Variants in DNMT3A observed in about 807,000 individuals in gnomAD.
DNMT3A encodes the protein DNA (cytosine-5)-methyltransferase 3A.
Under a neutral mutation model 117.6 loss-of-function variants are expected in DNMT3A, and 267 were observed. The ratio of observed to expected loss-of-function variants is 2.27; its 90% CI spans 2.05 to 2.51. The LOEUF is 2.51. Among genes scored for constraint, DNMT3A ranks in the 30% most tolerant of loss-of-function variants. The pLI, the probability that DNMT3A is intolerant of heterozygous loss-of-function variation, is 0.00. For synonymous variants in DNMT3A, 432 were observed against 474.8 expected (o/e 0.91, Z 1.17); for missense variants, 1,029 against 1,260.2 (o/e 0.82, Z 2.78).
chr2:25,267,198 T>C (rs2030439845), intron 6 of DNMT3A, among the ~76,000 whole-genome samples: 1 of 152,204 alleles, frequency 6.6e-6, no homozygotes, highest in Non-Finnish European at 1.5e-5. Flanking sequence ...AGCAAAATTA[T>C]ATATTTACAC....
chr2:25,246,634 AG>A lies in DNMT3A; in HGVS notation c.1264del (p.Leu422TrpfsTer229), dbSNP rs752298245. 1 of 1,612,684 alleles carries A rather than the reference AG, an allele frequency of 6.2e-7. No individual in the cohort carries two copies. On this transcript the variant is annotated frameshift_variant, in exon 10 of 23. Coordinates refer to ENST00000321117, the MANE Select transcript of DNMT3A (RefSeq NM_022552.5). LOFTEE classifies it high-confidence loss of function. ...CCCTCATTTACCTTCTGGTGGCTCC[AG>A]GCCCTTAGGGCCAGAAGGCTGGAAG... ...GGFQPSGPKGLEPPEEEKNPY... is the reference protein window; with the variant it reads ...GGFQPSGPKGXEPPEEEKNPY...
chr2:25,333,877 G>C (rs969445299), intron 1 of DNMT3A, among the ~76,000 whole-genome samples: 3 of 152,246 alleles, frequency 2.0e-5, no homozygotes, highest in African/African-American at 7.2e-5. Flanking sequence ...TGCAGCTCCA[G>C]GTGGTTTGGG....
rs1276480474 is a variant in DNMT3A, at chr2:25,254,697, G to A, written c.640-6445C>T. On this transcript the variant is annotated intron_variant, in intron 6 of 22. Coordinates refer to ENST00000321117, the MANE Select transcript of DNMT3A (RefSeq NM_022552.5). The surrounding 1 kb of genome is among the most constrained non-coding windows in gnomAD (Gnocchi z 4.7). ...CTCTTCTGCATCCATGCCGGTCAAC[G>A]GGCCTGAGAACTTACTTCAGGCCTC... 1.3e-5 allele frequency among the ~76,000 whole-genome samples: 2 copies of A among 152,074 alleles called. No homozygotes were observed. Among genetic ancestry groups the A allele is most frequent in the Non-Finnish European group, 2.9e-5 (2 of 68,018 alleles).
chr2:25,256,367 G>T (rs964808217), intron 6 of DNMT3A, among the ~76,000 whole-genome samples: 3 of 152,098 alleles, frequency 2.0e-5, no homozygotes, highest in South Asian at 2.1e-4. Context: ...TTCCTGGAAG[G>T]TTCCTCCCCT....
At chr2:25,295,012 A>G (rs2033004202) in intron 3 of DNMT3A, among the ~76,000 whole-genome samples, 1 of 152,188 alleles carries the variant, frequency 6.6e-6, no homozygotes, top group Non-Finnish European at 1.5e-5. Flanking sequence ...CATCGCTAGT[A>G]AATAGGGGAT....
At chr2:25,265,053 C>T (rs960986927) in intron 6 of DNMT3A, among the ~76,000 whole-genome samples, 5 of 152,208 alleles carry the variant, frequency 3.3e-5, no homozygotes, top group East Asian at 3.8e-4. Context: ...GAAGCTGAGA[C>T]GAGAAACCAG....
At position 25,281,515 on chromosome 2, in the gene DNMT3A, T is replaced by A; in HGVS notation, c.448+926A>T. ...CTGCATGAACATTAGGTTGGATCCATGCAAAATAAGTTACGCCAATTAATC... is the reference window on the plus strand; with the variant it reads ...CTGCATGAACATTAGGTTGGATCCAAGCAAAATAAGTTACGCCAATTAATC... On this transcript the variant is annotated intron_variant, in intron 4 of 22. Transcript: ENST00000321117. The surrounding 1 kb of genome is among the most constrained non-coding windows in gnomAD (Gnocchi z 4.8). 2 of 1,058,116 alleles carry A rather than the reference T, an allele frequency of 1.9e-6. No individual in the cohort carries two copies. Among genetic ancestry groups the A allele is most frequent in the Non-Finnish European group, 2.3e-6 (2 of 874,738 alleles). 65.5% of individuals were successfully genotyped at this position (1,058,116 alleles called of 1,614,324 possible).
chr2:25,267,200 T>C lies in DNMT3A; in HGVS notation c.639+7741A>G, dbSNP rs187258131. ...AAAGAACCCCTGAAGCAAAATTATA[T>C]ATTTACACGCATACACACGGATAGG... On this transcript the variant is annotated intron_variant, in intron 6 of 22. Coordinates refer to ENST00000321117, the MANE Select transcript of DNMT3A (RefSeq NM_022552.5). Among the ~76,000 whole-genome samples, 1,079 of 152,284 alleles carry C rather than the reference T, an allele frequency of 7.1e-3. 8 individuals carry two copies. The highest frequency in any genetic ancestry group is 0.01 in the Non-Finnish European group (693 of 68,020).
At chr2:25,249,910 G>A (rs1675305471) in intron 6 of DNMT3A, among the ~76,000 whole-genome samples, 1 of 152,166 alleles carries the variant, frequency 6.6e-6, no homozygotes, top group Admixed American at 6.5e-5. Flanking sequence ...CTAGAGCTGC[G>A]AATGCAAACC....
intron 6 of DNMT3A, among the ~76,000 whole-genome samples, chr2:25,272,148 A>C (rs1456044047): frequency 6.6e-6 from 1 of 152,070 alleles, no homozygotes; most frequent in Non-Finnish European, 1.5e-5. Flanking sequence ...CACTATGCCC[A>C]GCTAATTTTT....
At chr2:25,274,825 A>ATT in intron 6 of DNMT3A, 116 bp downstream of exon 6, 1 of 1,443,746 alleles carries the variant, frequency 6.9e-7, no homozygotes, top group Non-Finnish European at 9.2e-7. Flanking sequence ...ATGACTAGAG[A>ATT]TTAAGAGGCT....
In DNMT3A at chr2:25,237,658, G is replaced by A. The variant is rs527684538; in HGVS notation, c.2409-653C>T. ...CAGGTGCCTGTAATCCCAGCTACTC[G>A]GGAGGCTGAGGCAGGAGAATCGCTT... On this transcript the variant is annotated intron_variant, in intron 20 of 22. Coordinates refer to ENST00000321117, the MANE Select transcript of DNMT3A (RefSeq NM_022552.5). This position sits in a 1 kb window ranked among gnomAD's most constrained non-coding sequence, Gnocchi z 5.4. 6.6e-5 allele frequency among the ~76,000 whole-genome samples: 10 copies of A among 152,076 alleles called. No homozygotes were observed. Among genetic ancestry groups the A allele is most frequent in the South Asian group, 6.2e-4 (3 of 4,816 alleles).
At position 25,282,553 on chromosome 2, in the gene DNMT3A, G is replaced by A. The variant is rs779949977; in HGVS notation, c.336C>T (p.Gly112=). Residue 112 remains glycine (G), a synonymous_variant, in exon 4 of 23, where the codon GGC becomes GGT. Coordinates refer to ENST00000321117, the MANE Select transcript of DNMT3A (RefSeq NM_022552.5). The surrounding 1 kb of genome is among the most constrained non-coding windows in gnomAD (Gnocchi z 5.2). ...CACCCTCTCCCTCTGCTGGGGCCCCGCCCTTCTGCCCCCCAGCAGGGCTCC... is the reference window on the plus strand; with the variant it reads ...CACCCTCTCCCTCTGCTGGGGCCCCACCCTTCTGCCCCCCAGCAGGGCTCC... ...EEGSPAGGQK[G]GAPAEGEGAA... 12 of 1,613,228 alleles carry A rather than the reference G, an allele frequency of 7.4e-6. No individual in the cohort carries two copies. Among genetic ancestry groups the A allele is most frequent in the Middle Eastern group, 3.3e-4 (2 of 6,084 alleles).
Position 25,234,319 on chromosome 2 carries a change from T to TAA in DNMT3A, c.2698_2699insTT (p.His900LeufsTer7), listed in dbSNP as rs772849508. 1 of 1,613,978 alleles carries TAA rather than the reference T, an allele frequency of 6.2e-7. No individual in the cohort carries two copies. The highest frequency in any genetic ancestry group is 1.7e-5 in the Admixed American group (1 of 60,008). On this transcript the variant is annotated frameshift_variant, in exon 23 of 23. Transcript: ENST00000321117. LOFTEE classifies it high-confidence loss of function. The surrounding 1 kb of genome is among the most constrained non-coding windows in gnomAD (Gnocchi z 4.5). ...ATACTCCTTCAGCGGAGCGAAGAGG[T>TAA]GGCGGATGACTGGCACGCTCCATGA...
At position 25,254,042 on chromosome 2, in the gene DNMT3A, A is replaced by G. The variant is rs1000170414; in HGVS notation, c.640-5790T>C. 2.0e-5 allele frequency among the ~76,000 whole-genome samples: 3 copies of G among 151,504 alleles called. No individual in the cohort carries two copies. Among genetic ancestry groups the G allele is most frequent in the Non-Finnish European group, 4.4e-5 (3 of 67,880 alleles). On this transcript the variant is annotated intron_variant, in intron 6 of 22. Coordinates refer to ENST00000321117, the MANE Select transcript of DNMT3A (RefSeq NM_022552.5). This position sits in a 1 kb window ranked among gnomAD's most constrained non-coding sequence, Gnocchi z 4.7. Reference sequence around the variant, plus strand: ...AGCCGAGATCATGCCACTGCACTCCAGCCTGGGCAACAGAGCGAGACTCCG... The same window carrying G: ...AGCCGAGATCATGCCACTGCACTCCGGCCTGGGCAACAGAGCGAGACTCCG...
chr2:25,283,839 C>T (rs927570661), intron 3 of DNMT3A, among the ~76,000 whole-genome samples: 1 of 152,220 alleles, frequency 6.6e-6, no homozygotes, highest in African/African-American at 2.4e-5. Flanking sequence ...CAAAGCTCCT[C>T]ACTTACTACC....
At position 25,233,718 on chromosome 2, in the gene DNMT3A, T is replaced by C; in HGVS notation, c.*561A>G. 9.3e-6 allele frequency: 2 copies of C among 216,038 alleles called. No homozygotes were observed. Among genetic ancestry groups the C allele is most frequent in the East Asian group, 1.3e-4 (2 of 15,654 alleles). 13.4% of individuals were successfully genotyped at this position (216,038 alleles called of 1,614,324 possible). Reference sequence around the variant, plus strand: ...TCTCTCTCTTTCCGTCCCCTGCTTGTGCTCCTATCTGATCAGGCTAGAGAC... The same window carrying C: ...TCTCTCTCTTTCCGTCCCCTGCTTGCGCTCCTATCTGATCAGGCTAGAGAC... On this transcript the variant is annotated 3_prime_UTR_variant, in exon 23 of 23. Transcript: ENST00000321117.
At chr2:25,248,494 C>G (rs1026673902) in intron 6 of DNMT3A, among the ~76,000 whole-genome samples, 2 of 152,196 alleles carry the variant, frequency 1.3e-5, no homozygotes, top group African/African-American at 4.8e-5. Flanking sequence ...CAGATCTAAT[C>G]TTCCTCAATC....
In DNMT3A at chr2:25,247,606, G is replaced by C. The variant is rs148655749; in HGVS notation, c.999C>G (p.Asp333Glu). ...EGTRWVMWFG[D>E]GKFSVVCVEK... ...CACAACTTACCACTGAGAATTTGCC[G>C]TCTCCGAACCACATGACCCAGCGGG... The change falls in exon 8 of 23, where the codon GAC (aspartate) becomes GAG (glutamate). Residue 333 changes from aspartate (D) to glutamate (E), a missense_variant. By Grantham distance (45) the Asp-to-Glu change is conservative (BLOSUM62 2). Transcript: ENST00000321117. This position sits in a 1 kb window ranked among gnomAD's most constrained non-coding sequence, Gnocchi z 5.6. 6.2e-7 allele frequency: 1 copy of C among 1,613,774 alleles called. No homozygotes were observed. The highest frequency in any genetic ancestry group is 8.5e-7 in the Non-Finnish European group (1 of 1,179,964).
Sources: gnomAD v4.1 joint callset for allele counts (sites outside exome capture counted in the v4.1 genomes callset) on GRCh38, gnomAD v4.1.1 for gene constraint, Gnocchi (gnomAD v3.1) non-coding constraint, MANE v1.5 for transcripts, NCBI Gene and HGNC (gene_info 2026-07-23, HGNC 2026-07-21) for gene names.